Variants in UNC5D observed in about 807,000 individuals in gnomAD.
UNC5D encodes unc-5 netrin receptor D, also known as netrin receptor UNC5D.
UNC5D carries 39 observed loss-of-function variants against 105.4 expected under a neutral mutation model. That is an observed-to-expected ratio of 0.37 (90% CI 0.29 to 0.48). The LOEUF (loss-of-function observed/expected upper bound fraction) is 0.48. Ranked by LOEUF, UNC5D falls within the 20% of genes least tolerant of loss-of-function variation. The probability of loss-of-function intolerance (pLI) is 0.98; values close to 1 mark genes in which losing one functional copy is unlikely to be tolerated. For missense variants in UNC5D, 991 were observed against 1,202.4 expected (o/e 0.82, Z 2.60); for synonymous variants, 452 against 450.4 (o/e 1.00, Z -0.04).
intron 1 of UNC5D, among the ~76,000 whole-genome samples, chr8:35,308,541 A>G (rs926875983): frequency 4.6e-5 from 7 of 152,178 alleles, no homozygotes; most frequent in African/African-American, 1.7e-4. Context: ...CCGTTCAGTG[A>G]ATGATAATCT....
In UNC5D at chr8:35,333,740, A is replaced by G. The variant is rs1388719819; in HGVS notation, c.103+97853A>G. 2.6e-5 allele frequency among the ~76,000 whole-genome samples: 4 copies of G among 152,132 alleles called. No homozygotes were observed. The East Asian group carries it at 7.7e-4, about 29-fold the overall frequency. ...GGTGATCCACTAGCCTCTGCCTCCC[A>G]AAGTGCTGGGATTACAGGCGTGAGC... is the stretch of plus-strand genomic sequence containing the variant. On this transcript the variant is annotated intron_variant, in intron 1 of 16. Transcript: ENST00000404895.
rs35774459 is a variant in UNC5D at position 35,335,756 on chromosome 8, A to ATTTTTTTTTT, written c.103+99885_103+99894dup. On this transcript the variant is annotated intron_variant, in intron 1 of 16. Coordinates refer to ENST00000404895, the MANE Select transcript of UNC5D (RefSeq NM_080872.4). ...GGATAGAATGAAATGAGAGATTGCA[A>ATTTTTTTTTT]TTTTTTTTTTTTTTTTTTTTTTTTT... Among the ~76,000 whole-genome samples the ATTTTTTTTTT allele has an allele frequency of 6.3e-3, 571 of 90,424 alleles. 30 individuals are homozygous for ATTTTTTTTTT. Among genetic ancestry groups the ATTTTTTTTTT allele is most frequent in the African/African-American group, 0.013 (297 of 22,656 alleles). 59.3% of individuals were successfully genotyped at this position (90,424 alleles called of 152,430 possible). A position where few individuals can be genotyped will look rare whatever the true frequency, so the allele number is the denominator to read the frequency against.
intron 2 of UNC5D, among the ~76,000 whole-genome samples, chr8:35,566,731 A>G (rs916144536): frequency 6.6e-6 from 1 of 152,228 alleles, no homozygotes; most frequent in African/African-American, 2.4e-5. Context: ...GGAAATGTAA[A>G]GAGCGCATAG....
chr8:35,400,905 G>A (rs961679833), intron 1 of UNC5D, among the ~76,000 whole-genome samples: 3 of 152,138 alleles, frequency 2.0e-5, no homozygotes, highest in African/African-American at 7.2e-5. Flanking sequence ...AGTGGAGGGG[G>A]CATGTATATA....
intron 4 of UNC5D, among the ~76,000 whole-genome samples, chr8:35,677,905 T>C (rs548256647): frequency 3.8e-4 from 58 of 151,794 alleles, no homozygotes; most frequent in African/African-American, 1.4e-3. Context: ...TGTGTGTGTG[T>C]GTATGTGTGT....
At chr8:35,364,672 A>G (rs1043811383) in intron 1 of UNC5D, among the ~76,000 whole-genome samples, 35 of 152,206 alleles carry the variant, frequency 2.3e-4, no homozygotes, top group African/African-American at 8.4e-4. Context: ...ACATATATAC[A>G]CACATTTGTA....
intron 3 of UNC5D, among the ~76,000 whole-genome samples, chr8:35,572,994 G>T (rs1173769886): frequency 6.6e-6 from 1 of 151,826 alleles, no homozygotes; most frequent in African/African-American, 2.4e-5. Flanking sequence ...TAGTAGAGAC[G>T]GGGTTTCACC....
chr8:35,593,234 A>T (rs1819288328), intron 3 of UNC5D, among the ~76,000 whole-genome samples: 5 of 152,152 alleles, frequency 3.3e-5, no homozygotes. Flanking sequence ...TGGTGTGTAG[A>T]TAGCCATAAA....
intron 16 of UNC5D, among the ~76,000 whole-genome samples, chr8:35,780,332 A>G (rs1398358862): frequency 6.6e-6 from 1 of 152,190 alleles, no homozygotes; most frequent in African/African-American, 2.4e-5. Context: ...TTTGTTTCCC[A>G]TGAAATCTTT....
At chr8:35,338,339 A>G (rs1811206666) in intron 1 of UNC5D, among the ~76,000 whole-genome samples, 1 of 152,086 alleles carries the variant, frequency 6.6e-6, no homozygotes, top group African/African-American at 2.4e-5. Context: ...AAATGTGACT[A>G]TGTGCTTAAA....
chr8:35,568,675 C>T (rs911828701), intron 3 of UNC5D, among the ~76,000 whole-genome samples: 5 of 152,288 alleles, frequency 3.3e-5, no homozygotes, highest in Non-Finnish European at 7.4e-5. Context: ...GGTGACAGAA[C>T]GAGAGAGACT....
intron 1 of UNC5D, among the ~76,000 whole-genome samples, chr8:35,483,709 GGAATT>G (rs1244143936): frequency 6.6e-6 from 1 of 152,172 alleles, no homozygotes; most frequent in Non-Finnish European, 1.5e-5. Flanking sequence ...AAGGCACAAA[GGAATT>G]GAAGGGCTTT....
At position 35,648,678 on chromosome 8, in the gene UNC5D, CAA is replaced by C. The variant is rs1251731084; in HGVS notation, c.571-34847_571-34846del. Among the ~76,000 whole-genome samples the C allele has an allele frequency of 9.8e-3, 450 of 45,986 alleles. 2 individuals carry two copies. The highest frequency in any genetic ancestry group is 0.03 in the African/African-American group (422 of 14,048). 30.2% of individuals were successfully genotyped at this position (45,986 alleles called of 152,430 possible). A position where few individuals can be genotyped will look rare whatever the true frequency, so the allele number is the denominator to read the frequency against. Reference sequence around the variant, plus strand: ...TGGTCAACAGAGTGAGAGTCCGTCTCAAAAAAAAAAAAAAAAAAAAAAAGGAG... The same window carrying C: ...TGGTCAACAGAGTGAGAGTCCGTCTCAAAAAAAAAAAAAAAAAAAAAGGAG... On this transcript the variant is annotated intron_variant, in intron 4 of 16. Transcript: ENST00000404895.
At chr8:35,646,446 T>C (rs1823054798) in intron 4 of UNC5D, among the ~76,000 whole-genome samples, 1 of 152,078 alleles carries the variant, frequency 6.6e-6, no homozygotes, top group African/African-American at 2.4e-5. Flanking sequence ...TCTGATTTCA[T>C]CTTTAGTTTG....
intron 4 of UNC5D, among the ~76,000 whole-genome samples, chr8:35,611,294 T>A (rs1820664227): frequency 1.3e-5 from 2 of 152,146 alleles, no homozygotes. Context: ...CATTGCCCTC[T>A]CTTCTTGTCC....
At chr8:35,528,076 A>AAGTTTTG (rs1563502522) in intron 1 of UNC5D, among the ~76,000 whole-genome samples, 5 of 122,116 alleles carry the variant, frequency 4.1e-5, no homozygotes, top group African/African-American at 1.6e-4. Flanking sequence ...TTTAAGTTTT[A>AAGTTTTG]GGGTACATGT....
chr8:35,332,407 A>G (rs985826381), intron 1 of UNC5D, among the ~76,000 whole-genome samples: 9 of 152,104 alleles, frequency 5.9e-5, no homozygotes, highest in Non-Finnish European at 1.2e-4. Context: ...AGAGGCAGCA[A>G]CAACAACAAG....
intron 1 of UNC5D, among the ~76,000 whole-genome samples, chr8:35,512,502 A>G (rs1198934524): frequency 5.2e-5 from 6 of 114,480 alleles, no homozygotes; most frequent in African/African-American, 2.3e-4. Flanking sequence ...ATATATATAT[A>G]TATATATCTG....
intron 1 of UNC5D, among the ~76,000 whole-genome samples, chr8:35,318,813 C>A (rs1433652743): frequency 6.6e-6 from 1 of 151,958 alleles, no homozygotes; most frequent in Non-Finnish European, 1.5e-5. Context: ...AGATTTTGAC[C>A]AGAGACCTTT....
Sources: gnomAD v4.1 joint callset for allele counts (sites outside exome capture counted in the v4.1 genomes callset) on GRCh38, gnomAD v4.1.1 for gene constraint, MANE v1.5 for transcripts, NCBI Gene and HGNC (gene_info 2026-07-23, HGNC 2026-07-21) for gene names.